The following GRIA4 variants were observed in gnomAD, a reference collection of about 807,000 sequenced individuals.
GRIA4 encodes glutamate ionotropic receptor AMPA type subunit 4.
In GRIA4, 34 loss-of-function variants were observed where a neutral mutation model predicts 104.0. That is an observed-to-expected ratio of 0.33 (90% CI 0.25 to 0.44). The LOEUF is 0.44. GRIA4 is among the 20% of genes least tolerant of loss of function. The pLI is 1.00. For synonymous variants in GRIA4, 386 were observed against 381.9 expected, an observed-to-expected ratio of 1.01 and a Z score of -0.13; for missense variants, 750 against 1,096.5, an observed-to-expected ratio of 0.68 and a Z score of 4.46.
intron 4 of GRIA4, among the ~76,000 whole-genome samples, chr11:105,859,060 T>C (rs1945122987): frequency 6.6e-6 from 1 of 152,150 alleles, no homozygotes; most frequent in Non-Finnish European, 1.5e-5. Flanking sequence ...GATGTGGAAA[T>C]AGTATGACTT....
intron 3 of GRIA4, among the ~76,000 whole-genome samples, chr11:105,634,925 T>C (rs1338513342): frequency 6.6e-6 from 1 of 152,180 alleles, no homozygotes; most frequent in Non-Finnish European, 1.5e-5. Flanking sequence ...TATGAAATGA[T>C]TTTAGGGTGT....
intron 16 of GRIA4, chr11:105,974,900 C>A (rs1858899278): frequency 5.4e-6 from 1 of 185,856 alleles, no homozygotes; most frequent in Non-Finnish European, 1.2e-5. Flanking sequence ...TGTAACAGTT[C>A]AATTTTAGGG....
chr11:105,734,710 T>G (rs1182279199), intron 3 of GRIA4, among the ~76,000 whole-genome samples: 1 of 152,220 alleles, frequency 6.6e-6, no homozygotes, highest in Non-Finnish European at 1.5e-5. Context: ...TATAGCACTT[T>G]GCAATTTTCA....
At chr11:105,699,404 A>G (rs1333141222) in intron 3 of GRIA4, among the ~76,000 whole-genome samples, 1 of 152,162 alleles carries the variant, frequency 6.6e-6, no homozygotes, top group Non-Finnish European at 1.5e-5. Context: ...AAACTGGAAC[A>G]AGATCATAGT....
chr11:105,900,515 A>G (rs1357524424), intron 7 of GRIA4, among the ~76,000 whole-genome samples: 1 of 151,962 alleles, frequency 6.6e-6, no homozygotes, highest in Non-Finnish European at 1.5e-5. Flanking sequence ...TTGAAATCCA[A>G]CCATCTTCCA....
At chr11:105,721,077 T>C (rs1452580156) in intron 3 of GRIA4, among the ~76,000 whole-genome samples, 1 of 152,164 alleles carries the variant, frequency 6.6e-6, no homozygotes, top group Non-Finnish European at 1.5e-5. Flanking sequence ...TGTTCCTATA[T>C]TGTGGCTTGC....
intron 3 of GRIA4, among the ~76,000 whole-genome samples, chr11:105,674,580 C>A (rs1952477332): frequency 6.6e-6 from 1 of 151,876 alleles, no homozygotes; most frequent in South Asian, 2.1e-4. Context: ...GACTACATGA[C>A]TTCCATTTAC....
chr11:105,784,039 G>A (rs1242798475), intron 4 of GRIA4, among the ~76,000 whole-genome samples: 1 of 152,080 alleles, frequency 6.6e-6, no homozygotes, highest in Non-Finnish European at 1.5e-5. Flanking sequence ...GCTGGCCTTG[G>A]ATTGCTGAAT....
At chr11:105,686,685 C>A (rs1468975491) in intron 3 of GRIA4, among the ~76,000 whole-genome samples, 2 of 152,144 alleles carry the variant, frequency 1.3e-5, no homozygotes, top group Non-Finnish European at 2.9e-5. Flanking sequence ...ATTTACATTC[C>A]CACCAACAGT....
chr11:105,645,599 A>G (rs1303943356), intron 3 of GRIA4, among the ~76,000 whole-genome samples: 2 of 152,208 alleles, frequency 1.3e-5, no homozygotes, highest in Non-Finnish European at 2.9e-5. Context: ...AGCAACAAAG[A>G]ATTTTAGGGT....
chr11:105,733,728 A>T (rs527602970), intron 3 of GRIA4, among the ~76,000 whole-genome samples: 33 of 152,166 alleles, frequency 2.2e-4, no homozygotes, highest in African/African-American at 7.7e-4. Flanking sequence ...TGTTGGGATT[A>T]CAGGAGTGAG....
intron 3 of GRIA4, among the ~76,000 whole-genome samples, chr11:105,635,178 G>A (rs993431542): frequency 2.0e-5 from 3 of 152,002 alleles, no homozygotes; most frequent in African/African-American, 7.2e-5. Flanking sequence ...AATAATATTA[G>A]AGACTTTAAA....
intron 4 of GRIA4, among the ~76,000 whole-genome samples, chr11:105,857,608 C>A (rs367800661): frequency 3.0e-4 from 45 of 152,172 alleles, no homozygotes; most frequent in African/African-American, 9.6e-4. Context: ...ATGATATTCC[C>A]TGATTATTTC....
intron 5 of GRIA4, among the ~76,000 whole-genome samples, chr11:105,872,707 A>G (rs1945662165): frequency 6.6e-6 from 1 of 152,112 alleles, no homozygotes; most frequent in South Asian, 2.1e-4. Context: ...CCAATTAGAG[A>G]CATCTCAAGA....
At chr11:105,789,236 A>G (rs762193353) in intron 4 of GRIA4, among the ~76,000 whole-genome samples, 15 of 152,170 alleles carry the variant, frequency 9.9e-5, no homozygotes, top group Non-Finnish European at 1.8e-4. Context: ...TGATATGATG[A>G]ACTATAGATC....
intron 5 of GRIA4, among the ~76,000 whole-genome samples, chr11:105,870,147 TG>T (rs1945561611): frequency 6.6e-6 from 1 of 151,678 alleles, no homozygotes; most frequent in South Asian, 2.1e-4. Context: ...GAACTCATGC[TG>T]GGGATTATAT....
intron 14 of GRIA4, among the ~76,000 whole-genome samples, chr11:105,958,796 G>A (rs768782591): frequency 2.2e-4 from 33 of 152,096 alleles, no homozygotes; most frequent in Non-Finnish European, 4.1e-4. Context: ...CTCCTGCAAC[G>A]CAGCCCTGGT....
chr11:105,812,611 T>C (rs1670514265), intron 4 of GRIA4, among the ~76,000 whole-genome samples: 1 of 152,156 alleles, frequency 6.6e-6, no homozygotes, highest in Admixed American at 6.5e-5. Flanking sequence ...ACAAGCAGGA[T>C]GGGAACACAA....
chr11:105,826,852 T>G (rs1943788127), intron 4 of GRIA4, among the ~76,000 whole-genome samples: 1 of 152,020 alleles, frequency 6.6e-6, no homozygotes, highest in Admixed American at 6.6e-5. Context: ...TAGGGCACTA[T>G]ATCGGCAGCT....
Sources: gnomAD v4.1 joint callset for allele counts (sites outside exome capture counted in the v4.1 genomes callset) on GRCh38, gnomAD v4.1.1 for gene constraint, MANE v1.5 for transcripts, NCBI Gene and HGNC (gene_info 2026-07-23, HGNC 2026-07-21) for gene names.